ASAP1: variants seen among roughly 807,000 people sequenced by gnomAD.
ASAP1 encodes arf-GAP with SH3 domain, ANK repeat and PH domain-containing protein 1.
Under a neutral mutation model 145.2 loss-of-function variants are expected in ASAP1, and 43 were observed. The ratio of observed to expected loss-of-function variants is 0.30; its 90% CI spans 0.23 to 0.38. ASAP1 has a LOEUF of 0.38. Ranked by LOEUF, ASAP1 falls within the 10% of genes least tolerant of loss-of-function variation. ASAP1 has a pLI of 1.00. For missense variants in ASAP1, 1,018 were observed against 1,355.3 expected (o/e 0.75, Z 3.91); for synonymous variants, 546 against 515.5 (o/e 1.06, Z -0.80).
chr8:130,128,255 G>T (rs1227521195), intron 15 of ASAP1, among the ~76,000 whole-genome samples, 165 bp from the exon 16 acceptor site: 1 of 129,536 alleles, frequency 7.7e-6, no homozygotes, highest in Non-Finnish European at 1.6e-5. Context: ...GAAAAACAAA[G>T]AAATCAAACT....
At chr8:130,192,123 C>T (rs571664495) in intron 5 of ASAP1, among the ~76,000 whole-genome samples, 9 of 152,068 alleles carry the variant, frequency 5.9e-5, no homozygotes, top group Non-Finnish European at 1.2e-4. Context: ...CCAACAATCA[C>T]ACACCAACAG....
intron 3 of ASAP1, among the ~76,000 whole-genome samples, chr8:130,352,952 T>C (rs1826087301): frequency 6.6e-6 from 1 of 152,234 alleles, no homozygotes; most frequent in South Asian, 2.1e-4. Flanking sequence ...AAGAAAACTT[T>C]TAGGCTGCAT....
intron 16 of ASAP1, among the ~76,000 whole-genome samples, chr8:130,127,506 C>T (rs897041671): frequency 2.6e-5 from 4 of 152,100 alleles, no homozygotes; most frequent in Non-Finnish European, 4.4e-5. Flanking sequence ...CGTGAGCCAC[C>T]GTGCCATAGC....
intron 24 of ASAP1, among the ~76,000 whole-genome samples, chr8:130,110,047 G>A (rs2097544160): frequency 6.6e-6 from 1 of 152,172 alleles, no homozygotes; most frequent in South Asian, 2.1e-4. Context: ...TTCAGCAGCT[G>A]GAACACTAAA....
intron 25 of ASAP1, among the ~76,000 whole-genome samples, chr8:130,080,586 C>G (rs916407364): frequency 2.0e-5 from 3 of 151,752 alleles, no homozygotes; most frequent in Non-Finnish European, 1.5e-5. Context: ...AGTGTTCCTC[C>G]TGTCCAGCAT....
chr8:130,428,132 C>A (rs917116421), intron 1 of ASAP1, among the ~76,000 whole-genome samples: 1 of 152,118 alleles, frequency 6.6e-6, no homozygotes, highest in Non-Finnish European at 1.5e-5. Flanking sequence ...TTTTCCCACA[C>A]AGTCATGCAG....
chr8:130,284,921 G>C (rs1375007141), intron 3 of ASAP1, among the ~76,000 whole-genome samples: 2 of 151,632 alleles, frequency 1.3e-5, no homozygotes, highest in African/African-American at 4.9e-5. Flanking sequence ...GAGACAGAGA[G>C]ACATACACTC....
chr8:130,297,253 C>A (rs563308987), intron 3 of ASAP1, among the ~76,000 whole-genome samples: 1 of 152,302 alleles, frequency 6.6e-6, no homozygotes, highest in Non-Finnish European at 1.5e-5. Context: ...CGTCTCCCCC[C>A]ATGCATCAAA....
intron 27 of ASAP1, among the ~76,000 whole-genome samples, chr8:130,063,850 A>C (rs2097424573): frequency 6.6e-6 from 1 of 152,190 alleles, no homozygotes; most frequent in Non-Finnish European, 1.5e-5. Flanking sequence ...GCTGATGGAA[A>C]GAACTAGGGC....
chr8:130,414,569 CT>C (rs1466434693), intron 1 of ASAP1, among the ~76,000 whole-genome samples: 2 of 152,160 alleles, frequency 1.3e-5, no homozygotes, highest in Non-Finnish European at 2.9e-5. Flanking sequence ...TGAATCAGGC[CT>C]TGTGATTTCC....
intron 1 of ASAP1, 79 bp from the exon 2 acceptor site, chr8:130,402,049 C>T (rs994936103): frequency 2.6e-5 from 24 of 936,450 alleles, no homozygotes; most frequent in Non-Finnish European, 3.6e-5. Flanking sequence ...AGACCAAGAT[C>T]GGATTTCATA....
chr8:130,056,829 A>C (rs554910450), intron 29 of ASAP1, among the ~76,000 whole-genome samples: 1 of 152,308 alleles, frequency 6.6e-6, no homozygotes, highest in South Asian at 2.1e-4. Context: ...TTTCACCCTG[A>C]TGTCAGGAAA....
chr8:130,355,778 C>T lies in ASAP1; in HGVS notation c.186+2239G>A, dbSNP rs764990142. Among the ~76,000 whole-genome samples, 34 of 152,202 alleles carry T rather than the reference C, an allele frequency of 2.2e-4. 1 individual carries two copies. The highest frequency in any genetic ancestry group is 3.8e-4 in the Non-Finnish European group (26 of 68,012). On this transcript the variant is annotated intron_variant, in intron 3 of 29. Coordinates refer to ENST00000518721, the MANE Select transcript of ASAP1 (RefSeq NM_018482.4). Reference sequence around the variant, plus strand: ...TGGTGGCTATCCTTCAGTAAAAAAACCTAAAGCATACTTTTCACATCTATG... The same window carrying T: ...TGGTGGCTATCCTTCAGTAAAAAAATCTAAAGCATACTTTTCACATCTATG...
At chr8:130,107,186 T>TTTC (rs2097538346) in intron 24 of ASAP1, among the ~76,000 whole-genome samples, 1 of 140,934 alleles carries the variant, frequency 7.1e-6, no homozygotes, top group Non-Finnish European at 1.5e-5. Flanking sequence ...TCTTCTTCTT[T>TTTC]TTTTTTTTTT....
chr8:130,347,831 G>C (rs1358956034), intron 3 of ASAP1, among the ~76,000 whole-genome samples: 2 of 152,198 alleles, frequency 1.3e-5, no homozygotes, highest in Admixed American at 6.5e-5. Context: ...TTGCCCAAAA[G>C]AGAAGACCCT....
intron 7 of ASAP1, among the ~76,000 whole-genome samples, chr8:130,184,987 T>G (rs1317890358): frequency 1.3e-5 from 2 of 152,210 alleles, no homozygotes; most frequent in Non-Finnish European, 1.5e-5. Context: ...ATTACAAACT[T>G]CACTGCCTCC....
chr8:130,427,072 G>A (rs1011280676), intron 1 of ASAP1, among the ~76,000 whole-genome samples: 1 of 152,166 alleles, frequency 6.6e-6, no homozygotes, highest in African/African-American at 2.4e-5. Flanking sequence ...GTCATTACTG[G>A]GCAGAGACGG....
intron 2 of ASAP1, among the ~76,000 whole-genome samples, chr8:130,374,294 G>T (rs2138321336): frequency 6.6e-6 from 1 of 152,330 alleles, no homozygotes; most frequent in East Asian, 1.9e-4. Context: ...AAAGAACTGA[G>T]ATTTTACTAC....
At chr8:130,434,829 G>A (rs763876405) in intron 1 of ASAP1, among the ~76,000 whole-genome samples, 2 of 152,164 alleles carry the variant, frequency 1.3e-5, no homozygotes, top group Non-Finnish European at 2.9e-5. Context: ...GATATCACAT[G>A]AGACAGGAAG....
Sources: gnomAD v4.1 joint callset for allele counts (sites outside exome capture counted in the v4.1 genomes callset) on GRCh38, gnomAD v4.1.1 for gene constraint, MANE v1.5 for transcripts, NCBI Gene and HGNC (gene_info 2026-07-23, HGNC 2026-07-21) for gene names.